The following CCDC85C variants were observed in gnomAD, a reference collection of about 807,000 sequenced individuals.
CCDC85C encodes the protein coiled-coil domain containing 85C, also known as coiled-coil domain-containing protein 85C.
CCDC85C carries 18 observed loss-of-function variants against 38.3 expected under a neutral mutation model. The observed-to-expected ratio is 0.47, with a 90% CI of 0.33 to 0.70. The LOEUF is 0.70. Ranked by LOEUF, CCDC85C falls within the 30% of genes least tolerant of loss-of-function variation. The pLI is 0.03. For missense variants in CCDC85C, 566 were observed against 621.2 expected (o/e 0.91, Z 0.94); for synonymous variants, 264 against 293.8 (o/e 0.90, Z 1.04).
Position 99,503,363 on chromosome 14 carries a change from A to G in CCDC85C, c.*11883T>C, listed in dbSNP as rs569682703. 21 of 603,438 alleles carry G rather than the reference A, an allele frequency of 3.5e-5. No individual in the cohort carries two copies. In the East Asian group the frequency reaches 5.2e-4, roughly 15 times the overall value. The allele number at this position is 603,438 out of a possible 1,614,324, so 37.4% of individuals were successfully genotyped here. ...CAAGTGGTCCTGAAACTTAGTGTTT[A>G]CTCAGAACTCACCATTCAGGAAAGC... is the stretch of plus-strand genomic sequence containing the variant. On this transcript the variant is annotated 3_prime_UTR_variant, in exon 6 of 6. Coordinates refer to ENST00000380243, the MANE Select transcript of CCDC85C (RefSeq NM_001144995.2).
rs1566757928 is a variant in CCDC85C at position 99,515,085 on chromosome 14, C to T, written c.*161G>A. ...GAGATGGCGGCTTGGGCCAGTGCAT[C>T]GGACCCATGGCAGCTGGGCCAGGGC... On this transcript the variant is annotated 3_prime_UTR_variant, in exon 6 of 6. Coordinates refer to ENST00000380243, the MANE Select transcript of CCDC85C (RefSeq NM_001144995.2). 1.5e-5 allele frequency: 9 copies of T among 580,746 alleles called. No homozygotes were observed. Among genetic ancestry groups the T allele is most frequent in the East Asian group, 5.8e-5 (2 of 34,394 alleles). 36.0% of individuals were successfully genotyped at this position (580,746 alleles called of 1,614,324 possible).
At chr14:99,515,639 C>A (rs533873653) in intron 5 of CCDC85C, among the ~76,000 whole-genome samples, 3 of 152,090 alleles carry the variant, frequency 2.0e-5, no homozygotes, top group Non-Finnish European at 2.9e-5. Flanking sequence ...CTCGCCCCCC[C>A]TTTAAGTCCT....
At chr14:99,534,040 G>A (rs572519869) in intron 2 of CCDC85C, among the ~76,000 whole-genome samples, 1 of 152,314 alleles carries the variant, frequency 6.6e-6, no homozygotes, top group East Asian at 1.9e-4. Context: ...TGGTTGGACC[G>A]CAGAACACAT....
rs947209771 is a variant in CCDC85C at position 99,553,468 on chromosome 14, G to A, written c.794-17380C>T. 1.4e-4 allele frequency among the ~76,000 whole-genome samples: 22 copies of A among 152,136 alleles called. 1 individual carries two copies. Among genetic ancestry groups the A allele is most frequent in the Non-Finnish European group, 5.9e-5 (4 of 68,026 alleles). ...CAACCTCCGCCTCCTGGGTTCAAGC[G>A]ATTCTTCTGCCTCAGCCTCCCGAGT... is the stretch of plus-strand genomic sequence containing the variant. On this transcript the variant is annotated intron_variant, in intron 1 of 5. Coordinates refer to ENST00000380243, the MANE Select transcript of CCDC85C (RefSeq NM_001144995.2).
intron 1 of CCDC85C, among the ~76,000 whole-genome samples, chr14:99,585,842 G>A (rs2055020253): frequency 1.3e-5 from 2 of 152,200 alleles, no homozygotes; most frequent in African/African-American, 4.8e-5. Context: ...TGGTGTGGCT[G>A]TCCCAGCCCT....
intron 1 of CCDC85C, among the ~76,000 whole-genome samples, chr14:99,543,058 A>AAC (rs1272528162): frequency 3.9e-5 from 6 of 152,318 alleles, no homozygotes; most frequent in South Asian, 4.1e-4. Context: ...CTAATCTGAG[A>AAC]CCCAAAAGGA....
intron 1 of CCDC85C, among the ~76,000 whole-genome samples, chr14:99,536,836 G>C (rs898599003): frequency 2.0e-5 from 3 of 152,096 alleles, no homozygotes; most frequent in Non-Finnish European, 2.9e-5. Flanking sequence ...GTCACATCAG[G>C]AAAACACAAA....
chr14:99,570,252 T>C (rs939265758), intron 1 of CCDC85C, among the ~76,000 whole-genome samples: 1 of 152,214 alleles, frequency 6.6e-6, no homozygotes, highest in Non-Finnish European at 1.5e-5. Flanking sequence ...CACAGAGAAG[T>C]TCACAAAGCC....
chr14:99,559,675 C>T (rs1031715923), intron 1 of CCDC85C, among the ~76,000 whole-genome samples: 6 of 152,220 alleles, frequency 3.9e-5, no homozygotes, highest in Non-Finnish European at 5.9e-5. Flanking sequence ...CAGGGAGCAA[C>T]GTGCCCATGT....
At chr14:99,556,471 G>A (rs190389637) in intron 1 of CCDC85C, among the ~76,000 whole-genome samples, 5 of 152,262 alleles carry the variant, frequency 3.3e-5, no homozygotes, top group Non-Finnish European at 5.9e-5. Flanking sequence ...TAGTATCAAC[G>A]TTAAATGTTC....
chr14:99,599,903 G>A (rs1054913530), intron 1 of CCDC85C, among the ~76,000 whole-genome samples: 2 of 152,152 alleles, frequency 1.3e-5, no homozygotes, highest in East Asian at 1.9e-4. Context: ...TAAATAAGCA[G>A]CCAAGGAGAA....
intron 1 of CCDC85C, among the ~76,000 whole-genome samples, chr14:99,591,233 C>T (rs1398510420): frequency 3.3e-5 from 5 of 152,224 alleles, no homozygotes; most frequent in African/African-American, 4.8e-5. Context: ...AAGGTGCTGG[C>T]GGCTGGGAAC....
At chr14:99,556,823 C>T (rs1898019213) in intron 1 of CCDC85C, among the ~76,000 whole-genome samples, 1 of 151,960 alleles carries the variant, frequency 6.6e-6, no homozygotes, top group Non-Finnish European at 1.5e-5. Flanking sequence ...CACTGTGCCC[C>T]GCTGAAGTCC....
intron 1 of CCDC85C, among the ~76,000 whole-genome samples, chr14:99,575,973 C>T (rs1229608745): frequency 3.9e-5 from 6 of 152,200 alleles, no homozygotes; most frequent in Admixed American, 3.9e-4. Flanking sequence ...GATGACACCC[C>T]ATCCACTCCC....
chr14:99,561,567 G>A (rs1375974560), intron 1 of CCDC85C, among the ~76,000 whole-genome samples: 1 of 152,210 alleles, frequency 6.6e-6, no homozygotes, highest in Non-Finnish European at 1.5e-5. Flanking sequence ...GGCACCAGGG[G>A]CGGGCGCCAT....
Position 99,516,896 on chromosome 14 carries a change from G to T in CCDC85C, c.1071+192C>A, listed in dbSNP as rs1415959546. Among the ~76,000 whole-genome samples, 1 of 152,082 alleles carries T rather than the reference G, an allele frequency of 6.6e-6. No individual in the cohort carries two copies. Among genetic ancestry groups the T allele is most frequent in the Non-Finnish European group, 1.5e-5 (1 of 68,000 alleles). On this transcript the variant is annotated intron_variant, in intron 4 of 5. Transcript: ENST00000380243. The surrounding 1 kb of genome is among the most constrained non-coding windows in gnomAD (Gnocchi z 5.5). ...GCAGTAGCTCAGGGATGGCAGACAG[G>T]TGACACACTTATGACTGCCACCTCT...
chr14:99,517,713 G>GCCCTGCGGGATGAATTGGCTGCCAGA (rs1897248882), intron 3 of CCDC85C, among the ~76,000 whole-genome samples: 3 of 152,248 alleles, frequency 2.0e-5, no homozygotes, highest in African/African-American at 7.2e-5. Context: ...TGGCTGCCAG[G>GCCCTGCGGGATGAATTGGCTGCCAGA]TGCCCAGCTC....
rs1319837001 is a variant in CCDC85C, at chr14:99,572,539, C to T, written c.793+30628G>A. ...CCCAATAGCTCCTCCTACCCTGCCC[C>T]CTTCGGTCACCAGAGTCCAGCCACA... On this transcript the variant is annotated intron_variant, in intron 1 of 5. Coordinates refer to ENST00000380243, the MANE Select transcript of CCDC85C (RefSeq NM_001144995.2). The surrounding 1 kb of genome is among the most constrained non-coding windows in gnomAD (Gnocchi z 4.4). 1.3e-5 allele frequency among the ~76,000 whole-genome samples: 2 copies of T among 152,296 alleles called. No homozygotes were observed. Among genetic ancestry groups the T allele is most frequent in the South Asian group, 2.1e-4 (1 of 4,824 alleles).
rs541832713 is a variant in CCDC85C at position 99,520,930 on chromosome 14, G to A, written c.975+1203C>T. 7.9e-5 allele frequency among the ~76,000 whole-genome samples: 12 copies of A among 152,360 alleles called. No individual in the cohort carries two copies. The highest frequency in any genetic ancestry group is 3.4e-3 in the Middle Eastern group (1 of 294). On this transcript the variant is annotated intron_variant, in intron 3 of 5. Transcript: ENST00000380243. This position sits in a 1 kb window ranked among gnomAD's most constrained non-coding sequence, Gnocchi z 4.1. ...CCTGAACTCTGACAGCATTTTATCCGCACTCTCAGGCCTTGAGGCTCGGCC... is the reference window on the plus strand; with the variant it reads ...CCTGAACTCTGACAGCATTTTATCCACACTCTCAGGCCTTGAGGCTCGGCC...
Sources: allele counts gnomAD v4.1 joint callset (sites outside exome capture counted in the v4.1 genomes callset), GRCh38; gene constraint gnomAD v4.1.1; non-coding constraint Gnocchi (gnomAD v3.1); transcripts MANE v1.5; gene names NCBI Gene and HGNC (gene_info 2026-07-23, HGNC 2026-07-21).